The following TMEM168 variants were observed in gnomAD, a reference collection of about 807,000 sequenced individuals.
TMEM168 encodes transmembrane protein 168.
TMEM168 carries 40 observed loss-of-function variants against 53.2 expected under a neutral mutation model. That is an observed-to-expected ratio of 0.75 (90% CI 0.58 to 0.98). TMEM168 has a LOEUF of 0.98. Ranked by LOEUF, TMEM168 falls within the 50% of genes least tolerant of loss-of-function variation. The pLI is 0.00. For synonymous variants in TMEM168, 282 were observed against 293.0 expected (o/e 0.96, Z 0.38); for missense variants, 771 against 828.8 (o/e 0.93, Z 0.86).
At chr7:112,787,566 C>T (rs986396264) in intron 1 of TMEM168, among the ~76,000 whole-genome samples, 16 of 151,904 alleles carry the variant, frequency 1.1e-4, no homozygotes, top group African/African-American at 3.1e-4. Context: ...AGGCGCCCAT[C>T]GCCATGCCCA....
chr7:112,788,914 A>G (rs1284541333), intron 1 of TMEM168, among the ~76,000 whole-genome samples: 1 of 152,118 alleles, frequency 6.6e-6, no homozygotes, highest in East Asian at 1.9e-4. Context: ...TACTTTTTAA[A>G]ACCAAAATTT....
chr7:112,762,535 C>A lies in TMEM168; in HGVS notation c.*4662G>T, dbSNP rs1792690234. The A allele has an allele frequency of 6.6e-6, 1 of 151,962 alleles. No homozygotes were observed. The highest frequency in any genetic ancestry group is 2.1e-4 in the South Asian group (1 of 4,828). 9.4% of individuals were successfully genotyped at this position (151,962 alleles called of 1,614,324 possible). A position where few individuals can be genotyped will look rare whatever the true frequency, so the allele number is the denominator to read the frequency against. On this transcript the variant is annotated 3_prime_UTR_variant, in exon 5 of 5. Transcript: ENST00000312814. ...AAAAATCTTTGAGATAAATCAATGTCTTTTAGGCTAGACCAAATAAAAACA... is the reference window on the plus strand; with the variant it reads ...AAAAATCTTTGAGATAAATCAATGTATTTTAGGCTAGACCAAATAAAAACA...
Position 112,767,002 on chromosome 7 carries a change from CTACA to C in TMEM168, c.*191_*194del. 3 of 580,522 alleles carry C rather than the reference CTACA, an allele frequency of 5.2e-6. No homozygotes were observed. The highest frequency in any genetic ancestry group is 3.3e-5 in the Admixed American group (1 of 30,490). The allele number at this position is 580,522 out of a possible 1,614,324, so 36.0% of individuals were successfully genotyped here. On this transcript the variant is annotated 3_prime_UTR_variant, in exon 5 of 5. Transcript: ENST00000312814. ...GCATTTACAGTAAGCATTTGACTCC[CTACA>C]TACTTTCATTATAAAATGTTTTTTC...
intron 1 of TMEM168, among the ~76,000 whole-genome samples, chr7:112,788,842 A>C (rs1793462326): frequency 6.6e-6 from 1 of 152,166 alleles, no homozygotes; most frequent in African/African-American, 2.4e-5. Flanking sequence ...TCACCATCCC[A>C]ATTTTGGCCA....
At position 112,762,941 on chromosome 7, in the gene TMEM168, T is replaced by A. The variant is rs1244254508; in HGVS notation, c.*4256A>T. On this transcript the variant is annotated 3_prime_UTR_variant, in exon 5 of 5. Coordinates refer to ENST00000312814, the MANE Select transcript of TMEM168 (RefSeq NM_022484.6). Reference sequence around the variant, plus strand: ...CTTGTCCTTAACCTGCTTATGCTTATAGGCCTATTTTACTGACCTTCCAAT... The same window carrying A: ...CTTGTCCTTAACCTGCTTATGCTTAAAGGCCTATTTTACTGACCTTCCAAT... The A allele has an allele frequency of 6.6e-6, 1 of 152,128 alleles. No individual in the cohort carries two copies. The highest frequency in any genetic ancestry group is 1.9e-4 in the East Asian group (1 of 5,206). 9.4% of individuals were successfully genotyped at this position (152,128 alleles called of 1,614,324 possible).
At position 112,772,041 on chromosome 7, in the gene TMEM168, TTCTC is replaced by T. The variant is rs534062621; in HGVS notation, c.1546+736_1546+739del. Among the ~76,000 whole-genome samples the T allele has an allele frequency of 4.0e-3, 614 of 152,260 alleles. 1 individual carries two copies. The highest frequency in any genetic ancestry group is 7.4e-3 in the Non-Finnish European group (502 of 67,998). ...AGTTGATAAAACAAAGCCCTTGACT[TTCTC>T]TCTATTAATAGTTGGAAAGACTGAC... On this transcript the variant is annotated intron_variant, in intron 4 of 4. Transcript: ENST00000312814.
Position 112,767,122 on chromosome 7 carries a change from C to G in TMEM168, c.*75G>C, listed in dbSNP as rs148736232. The G allele has an allele frequency of 7.1e-7, 1 of 1,407,200 alleles. No homozygotes were observed. Among genetic ancestry groups the G allele is most frequent in the Non-Finnish European group, 9.6e-7 (1 of 1,039,170 alleles). The allele number at this position is 1,407,200 out of a possible 1,614,324, so 87.2% of individuals were successfully genotyped here. A position where few individuals can be genotyped will look rare whatever the true frequency, so the allele number is the denominator to read the frequency against. On this transcript the variant is annotated 3_prime_UTR_variant, in exon 5 of 5. Transcript: ENST00000312814. ...AAGGTATTTTCCACAAATAAAAATA[C>G]AGCATACAAAAAATGGCAAGTTAGT...
In TMEM168 at chr7:112,762,763, A is replaced by G. The variant is rs549213742; in HGVS notation, c.*4434T>C. On this transcript the variant is annotated 3_prime_UTR_variant, in exon 5 of 5. Coordinates refer to ENST00000312814, the MANE Select transcript of TMEM168 (RefSeq NM_022484.6). ...AACTTTGGTCTAAGTAATAATAACAATATTTCCTAATAAACATAAATGTAA... is the reference window on the plus strand; with the variant it reads ...AACTTTGGTCTAAGTAATAATAACAGTATTTCCTAATAAACATAAATGTAA... 5.9e-5 allele frequency: 9 copies of G among 152,196 alleles called. No homozygotes were observed. The highest frequency in any genetic ancestry group is 2.2e-4 in the African/African-American group (9 of 41,564). 9.4% of individuals were successfully genotyped at this position (152,196 alleles called of 1,614,324 possible). A position where few individuals can be genotyped will look rare whatever the true frequency, so the allele number is the denominator to read the frequency against.
chr7:112,781,966 G>A (rs1200791829), intron 2 of TMEM168, among the ~76,000 whole-genome samples: 6 of 152,130 alleles, frequency 3.9e-5, no homozygotes, highest in Non-Finnish European at 8.8e-5. Context: ...GCCACAGACT[G>A]GGAGTAAACA....
At chr7:112,774,104 T>C (rs1306434908) in intron 3 of TMEM168, among the ~76,000 whole-genome samples, 2 of 152,138 alleles carry the variant, frequency 1.3e-5, no homozygotes, top group African/African-American at 4.8e-5. Context: ...ACTTCCACTC[T>C]CCTCTCCCCC....
rs373725198 is a variant in TMEM168 at position 112,767,545 on chromosome 7, C to T, written c.1746G>A (p.Pro582=). The T allele has an allele frequency of 4.2e-5, 67 of 1,613,990 alleles. No homozygotes were observed. Among genetic ancestry groups the T allele is most frequent in the Middle Eastern group, 1.6e-4 (1 of 6,084 alleles). The change falls in exon 5 of 5, where the codon CCG becomes CCA. Residue 582 remains proline (P), a synonymous_variant. Coordinates refer to ENST00000312814, the MANE Select transcript of TMEM168 (RefSeq NM_022484.6). ...IKTVDIEEAD[P]PQLGDFTKDW... is the part of the protein sequence containing the mutation. ...CTTTTGTAAAGTCACCTAGCTGTGG[C>T]GGGTCAGCTTCTTCAATATCTACTG...
chr7:112,787,056 A>G (rs1002898417), intron 1 of TMEM168, among the ~76,000 whole-genome samples: 1 of 151,546 alleles, frequency 6.6e-6, no homozygotes, highest in African/African-American at 2.4e-5. Flanking sequence ...AGAACATCAG[A>G]CTCTCTCCTC....
At position 112,767,474 on chromosome 7, in the gene TMEM168, G is replaced by C; in HGVS notation, c.1817C>G (p.Thr606Ser). The change falls in exon 5 of 5, where the codon ACT becomes AGT. Residue 606 changes from threonine to serine, a missense_variant. By Grantham distance (58) the Thr-to-Ser change is moderately conservative (BLOSUM62 1). Transcript: ENST00000312814. Reference protein sequence around the residue: ...NCNSSNNICWTEKGRTVKAVY... With the variant: ...NCNSSNNICWSEKGRTVKAVY... ...TGCTTTCACTGTGCGTCCCTTTTCA[G>C]TCCAGCAGATGTTATTACTGGAGTT... is the stretch of plus-strand genomic sequence containing the variant. 6.2e-7 allele frequency: 1 copy of C among 1,614,138 alleles called. No individual in the cohort carries two copies.
chr7:112,775,053 G>T, intron 3 of TMEM168, 123 bp downstream of exon 3: 1 of 753,422 alleles, frequency 1.3e-6, no homozygotes, highest in Non-Finnish European at 1.9e-6. Flanking sequence ...TTAAAAATTT[G>T]GAAGAAATGC....
chr7:112,765,246 A>G lies in TMEM168; in HGVS notation c.*1951T>C, dbSNP rs1792745447. Reference sequence around the variant, plus strand: ...AATTTTTGGTTAACAAATTGGCTCAAGTCACATTCTTGGCCCAAAGACCAT... The same window carrying G: ...AATTTTTGGTTAACAAATTGGCTCAGGTCACATTCTTGGCCCAAAGACCAT... On this transcript the variant is annotated 3_prime_UTR_variant, in exon 5 of 5. Transcript: ENST00000312814. 1 of 152,208 alleles carries G rather than the reference A, an allele frequency of 6.6e-6. No individual in the cohort carries two copies. Among genetic ancestry groups the G allele is most frequent in the Non-Finnish European group, 1.5e-5 (1 of 68,026 alleles). The allele number at this position is 152,208 out of a possible 1,614,324, so 9.4% of individuals were successfully genotyped here.
In TMEM168 at chr7:112,765,070, C is replaced by CCT. The variant is rs1249784685; in HGVS notation, c.*2125_*2126dup. On this transcript the variant is annotated 3_prime_UTR_variant, in exon 5 of 5. Coordinates refer to ENST00000312814, the MANE Select transcript of TMEM168 (RefSeq NM_022484.6). ...GCCTCAAGTGATCCACCCACCTAGG[C>CCT]CTCCCAAAGTGCTGGGATTACAGGC... 1.3e-5 allele frequency: 2 copies of CCT among 152,250 alleles called. No homozygotes were observed. The highest frequency in any genetic ancestry group is 4.8e-5 in the African/African-American group (2 of 41,444). The allele number at this position is 152,250 out of a possible 1,614,324, so 9.4% of individuals were successfully genotyped here. A position where few individuals can be genotyped will look rare whatever the true frequency, so the allele number is the denominator to read the frequency against.
intron 2 of TMEM168, among the ~76,000 whole-genome samples, chr7:112,780,943 C>CAAAAA (rs1222902089): frequency 6.7e-5 from 4 of 59,990 alleles, no homozygotes; most frequent in Non-Finnish European, 1.0e-4. Context: ...TGATCCGTAT[C>CAAAAA]AAAAAAAAAA....
At chr7:112,781,904 T>C (rs549989588) in intron 2 of TMEM168, among the ~76,000 whole-genome samples, 17 of 152,252 alleles carry the variant, frequency 1.1e-4, no homozygotes, top group African/African-American at 3.8e-4. Flanking sequence ...TAAAAACCTT[T>C]ACTCTTGAAA....
intron 1 of TMEM168, among the ~76,000 whole-genome samples, chr7:112,785,159 C>A (rs897319775): frequency 1.3e-5 from 2 of 152,188 alleles, no homozygotes; most frequent in African/African-American, 4.8e-5. Flanking sequence ...TTCTACTCAT[C>A]ATATGCTATG....
Sources: allele counts gnomAD v4.1 joint callset (sites outside exome capture counted in the v4.1 genomes callset), GRCh38; gene constraint gnomAD v4.1.1; transcripts MANE v1.5; gene names NCBI Gene and HGNC (gene_info 2026-07-23, HGNC 2026-07-21).